Variants in CPQ observed in about 807,000 individuals in gnomAD.
The protein encoded by CPQ is Ser-Met dipeptidase.
In CPQ, 37 loss-of-function variants were observed where a neutral mutation model predicts 45.7. The ratio of observed to expected loss-of-function variants is 0.81; its 90% CI spans 0.62 to 1.07. The LOEUF (loss-of-function observed/expected upper bound fraction) is 1.07. Among genes scored for constraint, CPQ ranks in the 50% least tolerant of loss-of-function variants. The pLI, the probability that CPQ is intolerant of heterozygous loss-of-function variation, is 0.00. For synonymous variants in CPQ, 186 were observed against 205.8 expected (o/e 0.90, Z 0.82); for missense variants, 537 against 572.9 (o/e 0.94, Z 0.64).
intron 3 of CPQ, among the ~76,000 whole-genome samples, chr8:96,863,575 G>T (rs1003663467): frequency 6.6e-6 from 1 of 151,978 alleles, no homozygotes; most frequent in Non-Finnish European, 1.5e-5. Flanking sequence ...TTTTGCATAT[G>T]GCATGTAGGA....
intron 7 of CPQ, among the ~76,000 whole-genome samples, chr8:97,118,279 A>G (rs1811630044): frequency 6.6e-6 from 1 of 152,088 alleles, no homozygotes; most frequent in Non-Finnish European, 1.5e-5. Flanking sequence ...GAAAGGATCT[A>G]AGACCAGCCT....
In CPQ at chr8:96,814,280, T is replaced by C. The variant is rs577303138; in HGVS notation, c.434-20693T>C. On this transcript the variant is annotated intron_variant, in intron 2 of 7. Coordinates refer to ENST00000220763, the MANE Select transcript of CPQ (RefSeq NM_016134.4). Reference sequence around the variant, plus strand: ...AAAATCACAGGAACTCTTTATCACTTAGATTGGAGATTACGAATGCCGTGA... The same window carrying C: ...AAAATCACAGGAACTCTTTATCACTCAGATTGGAGATTACGAATGCCGTGA... Among the ~76,000 whole-genome samples the C allele has an allele frequency of 6.0e-4, 91 of 152,268 alleles. 1 individual carries two copies. The highest frequency in any genetic ancestry group is 8.1e-4 in the Non-Finnish European group (55 of 68,006).
chr8:97,056,955 A>G (rs1276303869), intron 6 of CPQ, among the ~76,000 whole-genome samples: 2 of 152,240 alleles, frequency 1.3e-5, no homozygotes, highest in South Asian at 4.1e-4. Context: ...AACTCATCAC[A>G]TTTAATGTAT....
At chr8:96,824,698 G>C (rs982144101) in intron 2 of CPQ, among the ~76,000 whole-genome samples, 1 of 151,930 alleles carries the variant, frequency 6.6e-6, no homozygotes, top group Admixed American at 6.6e-5. Flanking sequence ...TTACCATAGC[G>C]TATGTGCCTA....
At chr8:96,647,979 T>C (rs538619188) in intron 1 of CPQ, among the ~76,000 whole-genome samples, 1 of 152,190 alleles carries the variant, frequency 6.6e-6, no homozygotes, top group African/African-American at 2.4e-5. Flanking sequence ...CCCAACCTCT[T>C]TCTTTATAAG....
chr8:96,872,098 G>A (rs1020030945), intron 3 of CPQ, among the ~76,000 whole-genome samples: 4 of 151,866 alleles, frequency 2.6e-5, no homozygotes, highest in Non-Finnish European at 4.4e-5. Flanking sequence ...CTTGGGATCA[G>A]AAATGTTTTG....
At chr8:96,854,348 G>A (rs949619276) in intron 3 of CPQ, among the ~76,000 whole-genome samples, 5 of 150,720 alleles carry the variant, frequency 3.3e-5, no homozygotes, top group Admixed American at 6.6e-5. Flanking sequence ...CGGCTAAAAC[G>A]GTGAAACCCC....
chr8:96,942,691 C>G (rs1813139830), intron 4 of CPQ, among the ~76,000 whole-genome samples: 1 of 152,106 alleles, frequency 6.6e-6, no homozygotes, highest in Non-Finnish European at 1.5e-5. Flanking sequence ...ATGTATATTC[C>G]TTTAAACACA....
At position 97,123,124 on chromosome 8, in the gene CPQ, T is replaced by TA. The variant is rs1185055924; in HGVS notation, c.1256-19893dup. On this transcript the variant is annotated intron_variant, in intron 7 of 7. Coordinates refer to ENST00000220763, the MANE Select transcript of CPQ (RefSeq NM_016134.4). ...ATAAATAAAATAAAATAAAATAAAATAAATAAAATAAAATAAAATAAAATA... is the reference window on the plus strand; with the variant it reads ...ATAAATAAAATAAAATAAAATAAAATAAAATAAAATAAAATAAAATAAAATA... Among the ~76,000 whole-genome samples the TA allele has an allele frequency of 3.4e-4, 17 of 49,748 alleles. 1 individual carries two copies. Among genetic ancestry groups the TA allele is most frequent in the African/African-American group, 1.5e-3 (14 of 9,412 alleles). 32.6% of individuals were successfully genotyped at this position (49,748 alleles called of 152,430 possible).
intron 7 of CPQ, among the ~76,000 whole-genome samples, chr8:97,076,512 G>A (rs2130544721): frequency 6.6e-6 from 1 of 152,284 alleles, no homozygotes; most frequent in Non-Finnish European, 1.5e-5. Flanking sequence ...GCAGTTGGCT[G>A]ATATATCCCA....
intron 1 of CPQ, among the ~76,000 whole-genome samples, chr8:96,659,821 G>C (rs560320074): frequency 2.6e-5 from 4 of 152,248 alleles, no homozygotes; most frequent in African/African-American, 9.6e-5. Flanking sequence ...AAGGGCTGTT[G>C]TGTCTATGAA....
chr8:96,850,491 A>G (rs1811755769), intron 3 of CPQ, among the ~76,000 whole-genome samples: 1 of 152,226 alleles, frequency 6.6e-6, no homozygotes, highest in Non-Finnish European at 1.5e-5. Flanking sequence ...TGCTCATTGC[A>G]ATCCTTTTGA....
At chr8:97,017,117 G>A (rs915435409) in intron 5 of CPQ, among the ~76,000 whole-genome samples, 1 of 152,222 alleles carries the variant, frequency 6.6e-6, no homozygotes, top group Non-Finnish European at 1.5e-5. Flanking sequence ...GAGATCATCT[G>A]CCCCTGAACA....
chr8:96,754,005 C>A (rs1171212853), intron 1 of CPQ, among the ~76,000 whole-genome samples: 1 of 151,784 alleles, frequency 6.6e-6, no homozygotes, highest in Non-Finnish European at 1.5e-5. Context: ...CCTAGTGATG[C>A]AATGTGTTAT....
chr8:96,726,968 C>T (rs1317206623), intron 1 of CPQ, among the ~76,000 whole-genome samples: 2 of 152,138 alleles, frequency 1.3e-5, no homozygotes, highest in African/African-American at 4.8e-5. Flanking sequence ...TTCAGGTTTT[C>T]TGTTATAAGC....
chr8:97,011,848 A>T (rs1809490489), intron 5 of CPQ, among the ~76,000 whole-genome samples: 1 of 152,148 alleles, frequency 6.6e-6, no homozygotes, highest in Non-Finnish European at 1.5e-5. Context: ...GCTTTGCTGC[A>T]GATGCTTTCT....
intron 7 of CPQ, among the ~76,000 whole-genome samples, chr8:97,137,409 C>T (rs1196746872): frequency 3.9e-5 from 6 of 152,210 alleles, no homozygotes; most frequent in African/African-American, 1.4e-4. Flanking sequence ...AATTCTAATT[C>T]ATCCTCCATT....
At chr8:96,943,546 G>A (rs894937673) in intron 4 of CPQ, among the ~76,000 whole-genome samples, 4 of 152,094 alleles carry the variant, frequency 2.6e-5, no homozygotes, top group African/African-American at 9.7e-5. Flanking sequence ...AGAAACCAAG[G>A]CACAGGGAAG....
At chr8:96,670,697 A>G (rs989833231) in intron 1 of CPQ, among the ~76,000 whole-genome samples, 1 of 152,198 alleles carries the variant, frequency 6.6e-6, no homozygotes, top group African/African-American at 2.4e-5. Context: ...ACTCAGCAAT[A>G]AAGAGGAAAA....
Sources: gnomAD v4.1 joint callset for allele counts (sites outside exome capture counted in the v4.1 genomes callset) on GRCh38, gnomAD v4.1.1 for gene constraint, MANE v1.5 for transcripts, NCBI Gene and HGNC (gene_info 2026-07-23, HGNC 2026-07-21) for gene names.